Variants in RAB38 observed in about 807,000 individuals in gnomAD.
RAB38 encodes RAB38, member RAS oncogene family.
RAB38 carries 15 observed loss-of-function variants against 18.4 expected under a neutral mutation model. The observed-to-expected ratio is 0.82, with a 90% CI of 0.55 to 1.26. The LOEUF (loss-of-function observed/expected upper bound fraction) is 1.26. Ranked by LOEUF, RAB38 falls within the 50% of genes most tolerant of loss-of-function variation. The pLI is 0.00. For synonymous variants in RAB38, 101 were observed against 104.4 expected (o/e 0.97, Z 0.20); for missense variants, 294 against 267.4 (o/e 1.10, Z -0.69).
the RAB38 span, among the ~76,000 whole-genome samples, chr11:87,950,973 CAG>C: frequency 6.6e-6 from 1 of 152,156 alleles, no homozygotes; most frequent in African/African-American, 2.4e-5. Context: ...TAATATCCTG[CAG>C]AGTGTTTTCC....
chr11:87,955,745 C>T, the RAB38 span, among the ~76,000 whole-genome samples: 20 of 152,064 alleles, frequency 1.3e-4, no homozygotes, highest in Non-Finnish European at 5.9e-5. Flanking sequence ...CAGATGACCC[C>T]TGTCATCCGA....
chr11:88,006,150 A>C, the RAB38 span, among the ~76,000 whole-genome samples: 11 of 137,112 alleles, frequency 8.0e-5, no homozygotes, highest in African/African-American at 2.9e-4. Context: ...GAAGACATAC[A>C]GATGACCAAC....
the RAB38 span, among the ~76,000 whole-genome samples, chr11:87,940,481 A>C: frequency 6.6e-6 from 1 of 152,134 alleles, no homozygotes; most frequent in Non-Finnish European, 1.5e-5. Flanking sequence ...GAGAGTTAAT[A>C]GGATATGGAA....
chr11:87,938,643 TTGTTG>T, the RAB38 span, among the ~76,000 whole-genome samples: 1 of 140,118 alleles, frequency 7.1e-6, no homozygotes, highest in African/African-American at 3.0e-5. Flanking sequence ...GATTTTGTTG[TTGTTG>T]TTGTTGTTGT....
At chr11:88,070,723 G>A in the RAB38 span, among the ~76,000 whole-genome samples, 1 of 152,276 alleles carries the variant, frequency 6.6e-6, no homozygotes, top group South Asian at 2.1e-4. Context: ...GATGAAGAAT[G>A]CTGAAAGACA....
chr11:87,951,809 TG>T, the RAB38 span, among the ~76,000 whole-genome samples: 75 of 152,192 alleles, frequency 4.9e-4, no homozygotes, highest in African/African-American at 1.3e-3. Context: ...CTGCCCCTAC[TG>T]GGGGGGTGCC....
chr11:88,175,136 C>T lies in RAB38; in HGVS notation c.202+47G>A, dbSNP rs34151721. ...AAGCCGCTGCCTCGAGACTGGAAAC[C>T]GGCCGCGAGGCGCTCTATCCCCCTG... On this transcript the variant is annotated intron_variant, in intron 1 of 2. Coordinates refer to ENST00000243662, the MANE Select transcript of RAB38 (RefSeq NM_022337.3). The T allele has an allele frequency of 4.9e-4, 730 of 1,502,544 alleles. 5 individuals carry two copies. In the African/African-American group the frequency reaches 7.0e-3, roughly 14 times the overall value. 93.1% of individuals were successfully genotyped at this position (1,502,544 alleles called of 1,614,324 possible).
chr11:87,923,652 T>C, the RAB38 span, among the ~76,000 whole-genome samples: 8 of 151,826 alleles, frequency 5.3e-5, no homozygotes, highest in East Asian at 1.9e-4. Context: ...TTATTCCTCA[T>C]GTAAACAAAT....
At chr11:87,805,908 C>T in the RAB38 span, among the ~76,000 whole-genome samples, 1 of 152,058 alleles carries the variant, frequency 6.6e-6, no homozygotes, top group Non-Finnish European at 1.5e-5. Context: ...CTCTTAAAGC[C>T]TTCAACTGGT....
the RAB38 span, among the ~76,000 whole-genome samples, chr11:87,878,253 T>C: frequency 3.5e-3 from 111 of 31,420 alleles, 1 homozygote; most frequent in South Asian, 0.039. Flanking sequence ...ACACCTATCA[T>C]CTATCTATCT....
chr11:88,010,885 TCCCACCTA>T, the RAB38 span, among the ~76,000 whole-genome samples: 2 of 152,076 alleles, frequency 1.3e-5, no homozygotes, highest in African/African-American at 4.8e-5. Flanking sequence ...TATCATCCCT[TCCCACCTA>T]CCCACCTAGC....
the RAB38 span, among the ~76,000 whole-genome samples, chr11:88,046,659 G>A: frequency 2.7e-4 from 41 of 152,232 alleles, no homozygotes; most frequent in African/African-American, 7.2e-4. Flanking sequence ...CCTGCAGATC[G>A]TGTCTGACTG....
At chr11:88,063,618 G>C in the RAB38 span, among the ~76,000 whole-genome samples, 1 of 152,316 alleles carries the variant, frequency 6.6e-6, no homozygotes, top group South Asian at 2.1e-4. Context: ...TTGAACTGTA[G>C]TAATCCCCAA....
chr11:87,961,771 A>G, the RAB38 span, among the ~76,000 whole-genome samples: 4 of 151,756 alleles, frequency 2.6e-5, no homozygotes, highest in African/African-American at 9.7e-5. Context: ...CAAATACTAC[A>G]CTCTTGGGAA....
At chr11:88,043,576 A>T in the RAB38 span, among the ~76,000 whole-genome samples, 2 of 151,568 alleles carry the variant, frequency 1.3e-5, no homozygotes, top group African/African-American at 2.4e-5. Context: ...TCCTGGCTCA[A>T]AAGCTCCCCC....
chr11:87,851,748 G>T, the RAB38 span, among the ~76,000 whole-genome samples: 33 of 152,252 alleles, frequency 2.2e-4, 1 homozygote, highest in African/African-American at 7.7e-4. Context: ...TTTGCAGAGA[G>T]CCTGGGTCTT....
At chr11:87,940,190 A>G in the RAB38 span, among the ~76,000 whole-genome samples, 2 of 150,004 alleles carry the variant, frequency 1.3e-5, no homozygotes, top group Middle Eastern at 3.2e-3. Flanking sequence ...AGAGAGAGAG[A>G]GGGAGAAAAG....
chr11:88,069,684 A>T, the RAB38 span, among the ~76,000 whole-genome samples: 1 of 152,210 alleles, frequency 6.6e-6, no homozygotes, highest in Non-Finnish European at 1.5e-5. Flanking sequence ...TTGTAAATAC[A>T]CCAATCAGCA....
the RAB38 span, among the ~76,000 whole-genome samples, chr11:87,841,196 A>G: frequency 6.6e-6 from 1 of 152,176 alleles, no homozygotes; most frequent in Admixed American, 6.5e-5. Context: ...CTCACCTTGA[A>G]TTGTAGTTCC....
Sources: allele counts gnomAD v4.1 joint callset (sites outside exome capture counted in the v4.1 genomes callset), GRCh38; gene constraint gnomAD v4.1.1; transcripts MANE v1.5; gene names NCBI Gene and HGNC (gene_info 2026-07-23, HGNC 2026-07-21).